The following EPN1 variants were observed in gnomAD, a reference collection of about 807,000 sequenced individuals.
The protein encoded by EPN1 is epsin-1.
A neutral mutation model predicts 56.9 loss-of-function variants in EPN1; 25 were observed. That is an observed-to-expected ratio of 0.44 (90% CI 0.32 to 0.61). The LOEUF is 0.61. Among genes scored for constraint, EPN1 ranks in the 20% least tolerant of loss-of-function variants. The probability of loss-of-function intolerance (pLI) is 0.05; values close to 1 mark genes in which losing one functional copy is unlikely to be tolerated. For missense variants in EPN1, 785 were observed against 823.7 expected (o/e 0.95, Z 0.58); for synonymous variants, 411 against 361.8 (o/e 1.14, Z -1.54).
intron 1 of EPN1, chr19:55,676,889 A>G (rs900631564): frequency 3.3e-5 from 11 of 328,750 alleles, no homozygotes; most frequent in Non-Finnish European, 6.2e-5. Flanking sequence ...CCCTCTGCCC[A>G]GGTTTCTATG....
chr19:55,687,252 C>T (rs892134636), intron 3 of EPN1, among the ~76,000 whole-genome samples: 1 of 152,120 alleles, frequency 6.6e-6, no homozygotes, highest in African/African-American at 2.4e-5. Context: ...GGTGTGCTGG[C>T]CCCTGTCTTG....
Position 55,699,748 on chromosome 19 carries a change from G to A in EPN1, c.*4392G>A, listed in dbSNP as rs541184255. The A allele has an allele frequency of 6.6e-6, 1 of 152,264 alleles. No homozygotes were observed. Among genetic ancestry groups the A allele is most frequent in the East Asian group, 1.9e-4 (1 of 5,186 alleles). The allele number at this position is 152,264 out of a possible 1,614,324, so 9.4% of individuals were successfully genotyped here. On this transcript the variant is annotated 3_prime_UTR_variant, in exon 11 of 11. Transcript: ENST00000270460. ...TCTAAGGCCTGCCTGCACGTCCTGG[G>A]ACAGCCCACGCTTCCACAGGGTTCC...
Position 55,697,049 on chromosome 19 carries a change from C to G in EPN1, c.*1693C>G, listed in dbSNP as rs1276926311. On this transcript the variant is annotated 3_prime_UTR_variant, in exon 11 of 11. Transcript: ENST00000270460. ...AGATTCAGTTGCAGAGGAGCATCCCCCTTGCTTAGCCAGGGAGGGGAAGCC... is the reference window on the plus strand; with the variant it reads ...AGATTCAGTTGCAGAGGAGCATCCCGCTTGCTTAGCCAGGGAGGGGAAGCC... 6.6e-6 allele frequency: 1 copy of G among 152,190 alleles called. No homozygotes were observed. The highest frequency in any genetic ancestry group is 1.5e-5 in the Non-Finnish European group (1 of 68,040). 9.4% of individuals were successfully genotyped at this position (152,190 alleles called of 1,614,324 possible). A position where few individuals can be genotyped will look rare whatever the true frequency, so the allele number is the denominator to read the frequency against.
Position 55,695,263 on chromosome 19 carries a change from C to T in EPN1, c.1638C>T (p.Pro546=), listed in dbSNP as rs2122224017. The change falls in exon 11 of 11, where the codon CCC becomes CCT. Residue 546 remains proline, a synonymous_variant. Transcript: ENST00000270460. The surrounding 1 kb of genome is among the most constrained non-coding windows in gnomAD (Gnocchi z 4.4). ...TGCCTCCCGTCCCTGGAGCGCCACC[C>T]ACGTACATCTCTCCCCTTGGCGGGG... ...SPVPPVPGAP[P]TYISPLGGGP... 6.2e-7 allele frequency: 1 copy of T among 1,609,304 alleles called. No individual in the cohort carries two copies. Among genetic ancestry groups the T allele is most frequent in the East Asian group, 2.2e-5 (1 of 44,576 alleles).
rs1331706267 is a variant in EPN1 at position 55,692,005 on chromosome 19, A to G, written c.1014A>G (p.Pro338=). The change falls in exon 7 of 11, where the codon CCA becomes CCG. Residue 338 remains proline (P), a synonymous_variant. Coordinates refer to ENST00000270460, the MANE Select transcript of EPN1 (RefSeq NM_001130072.2). ...CAGTTGACCCTTGGGGTGGGACCCC[A>G]GCCCCTGCAGCTGGGGAGGGGCCCA... ...GPSVDPWGGT[P]APAAGEGPTP... The G allele has an allele frequency of 7.4e-6, 11 of 1,478,624 alleles. No individual in the cohort carries two copies. The highest frequency in any genetic ancestry group is 9.8e-6 in the Non-Finnish European group (11 of 1,122,366). 91.6% of individuals were successfully genotyped at this position (1,478,624 alleles called of 1,614,324 possible). A position where few individuals can be genotyped will look rare whatever the true frequency, so the allele number is the denominator to read the frequency against.
In EPN1 at chr19:55,691,822, G is replaced by C. The variant is rs751623104; in HGVS notation, c.831G>C (p.Gly277=). 6 of 1,609,938 alleles carry C rather than the reference G, an allele frequency of 3.7e-6. No individual in the cohort carries two copies. The highest frequency in any genetic ancestry group is 1.6e-4 in the Middle Eastern group (1 of 6,068). ...CTGCCCCGACCACAGACCCCTGGGG[G>C]GGCCCAGCACCCATGGCTGCTGCCG... ...PAPAPTTDPW[G]GPAPMAAAVP... is the part of the protein sequence containing the mutation. The change falls in exon 7 of 11, where the codon GGG becomes GGC. Residue 277 remains glycine, a synonymous_variant. Transcript: ENST00000270460. The surrounding 1 kb of genome is among the most constrained non-coding windows in gnomAD (Gnocchi z 5.6).
In EPN1 at chr19:55,678,579, C is replaced by A; in HGVS notation, c.-49C>A. ...AGCCTTCGTCCGGGAGTCGCCCCAT[C>A]TCTCCACGCATCGGGGCCCTGTGCC... is the stretch of plus-strand genomic sequence containing the variant. On this transcript the variant is annotated 5_prime_UTR_variant, in exon 2 of 11. Coordinates refer to ENST00000270460, the MANE Select transcript of EPN1 (RefSeq NM_001130072.2). 6.4e-7 allele frequency: 1 copy of A among 1,567,384 alleles called. No homozygotes were observed. The highest frequency in any genetic ancestry group is 2.4e-5 in the East Asian group (1 of 42,154).
intron 3 of EPN1, among the ~76,000 whole-genome samples, chr19:55,688,455 C>T (rs1986310428): frequency 6.6e-6 from 1 of 152,120 alleles, no homozygotes; most frequent in Admixed American, 6.5e-5. Context: ...TGTTCCCTGC[C>T]AGAGCTACCA....
At position 55,695,643 on chromosome 19, in the gene EPN1, C is replaced by G. The variant is rs1052292820; in HGVS notation, c.*287C>G. ...ACCCATTCCCCCTCCCTCCAAACTC[C>G]CAACCCCCAGTCAGTGTTTGAGCCT... On this transcript the variant is annotated 3_prime_UTR_variant, in exon 11 of 11. Coordinates refer to ENST00000270460, the MANE Select transcript of EPN1 (RefSeq NM_001130072.2). This position sits in a 1 kb window ranked among gnomAD's most constrained non-coding sequence, Gnocchi z 4.4. 2 of 464,460 alleles carry G rather than the reference C, an allele frequency of 4.3e-6. No individual in the cohort carries two copies. The highest frequency in any genetic ancestry group is 7.7e-6 in the Non-Finnish European group (2 of 260,200). The allele number at this position is 464,460 out of a possible 1,614,324, so 28.8% of individuals were successfully genotyped here. A position where few individuals can be genotyped will look rare whatever the true frequency, so the allele number is the denominator to read the frequency against.
rs1987146785 is a variant in EPN1, at chr19:55,701,640, G to A, written c.*6284G>A. ...AGACCCTTAAAATACTGAGCTTTCG[G>A]GACCCTGCCTGGCTTGTTCCTGTAA... On this transcript the variant is annotated 3_prime_UTR_variant, in exon 11 of 11. Transcript: ENST00000270460. The A allele has an allele frequency of 1.3e-5, 2 of 152,056 alleles. No individual in the cohort carries two copies. Among genetic ancestry groups the A allele is most frequent in the South Asian group, 4.1e-4 (2 of 4,828 alleles). The allele number at this position is 152,056 out of a possible 1,614,324, so 9.4% of individuals were successfully genotyped here.
At position 55,709,067 on chromosome 19, in the gene EPN1, T is replaced by G. The variant is rs374085810; in HGVS notation, c.*13711T>G. The G allele has an allele frequency of 1.0e-5, 16 of 1,548,006 alleles. No homozygotes were observed. Among genetic ancestry groups the G allele is most frequent in the Non-Finnish European group, 1.4e-5 (16 of 1,156,238 alleles). On this transcript the variant is annotated 3_prime_UTR_variant, in exon 11 of 11. Transcript: ENST00000270460. The stretch of plus-strand genomic sequence containing the variant: ...AGCCTGGGAAAATAGAAATAAAGTT[T>G]TTTTTTTTGTTTTTCATTTTTACAC...
At chr19:55,686,474 C>G (rs1312796612) in intron 3 of EPN1, among the ~76,000 whole-genome samples, 4 of 152,268 alleles carry the variant, frequency 2.6e-5, no homozygotes, top group African/African-American at 4.8e-5. Flanking sequence ...GGAGGTGGGT[C>G]AGCCAGGCCG....
At chr19:55,687,905 C>T (rs1240602422) in intron 3 of EPN1, among the ~76,000 whole-genome samples, 1 of 152,212 alleles carries the variant, frequency 6.6e-6, no homozygotes, top group East Asian at 1.9e-4. Flanking sequence ...CAGCTGCCTG[C>T]TGCGGCTCCG....
At chr19:55,682,737 A>G (rs1568567484) in intron 2 of EPN1, among the ~76,000 whole-genome samples, 2 of 151,204 alleles carry the variant, frequency 1.3e-5, no homozygotes, top group Admixed American at 1.3e-4. Flanking sequence ...CCGATTTTAT[A>G]TATTTATTTA....
rs1176540962 is a variant in EPN1 at position 55,708,364 on chromosome 19, G to A, written c.*13008G>A. ...TATTGTGTTTTGAAATATAAACAGT[G>A]TAGATATATTTGAATAATACTGAAT... On this transcript the variant is annotated 3_prime_UTR_variant, in exon 11 of 11. Coordinates refer to ENST00000270460, the MANE Select transcript of EPN1 (RefSeq NM_001130072.2). 1 of 152,214 alleles carries A rather than the reference G, an allele frequency of 6.6e-6. No individual in the cohort carries two copies. The highest frequency in any genetic ancestry group is 6.5e-5 in the Admixed American group (1 of 15,268). 9.4% of individuals were successfully genotyped at this position (152,214 alleles called of 1,614,324 possible). A position where few individuals can be genotyped will look rare whatever the true frequency, so the allele number is the denominator to read the frequency against.
rs1168091390 is a variant in EPN1 at position 55,695,647 on chromosome 19, C to A, written c.*291C>A. 2.2e-6 allele frequency: 1 copy of A among 451,004 alleles called. No individual in the cohort carries two copies. The highest frequency in any genetic ancestry group is 4.0e-6 in the Non-Finnish European group (1 of 251,944). 27.9% of individuals were successfully genotyped at this position (451,004 alleles called of 1,614,324 possible). On this transcript the variant is annotated 3_prime_UTR_variant, in exon 11 of 11. Transcript: ENST00000270460. The surrounding 1 kb of genome is among the most constrained non-coding windows in gnomAD (Gnocchi z 4.4). Reference sequence around the variant, plus strand: ...ATTCCCCCTCCCTCCAAACTCCCAACCCCCAGTCAGTGTTTGAGCCTCCTC... The same window carrying A: ...ATTCCCCCTCCCTCCAAACTCCCAAACCCCAGTCAGTGTTTGAGCCTCCTC...
At chr19:55,679,844 C>T (rs1483450908) in intron 2 of EPN1, among the ~76,000 whole-genome samples, 4 of 152,112 alleles carry the variant, frequency 2.6e-5, no homozygotes, top group African/African-American at 9.7e-5. Flanking sequence ...TTGTGAAGGG[C>T]TGGGTGGCGT....
In EPN1 at chr19:55,694,917, T is replaced by G. The variant is rs967972800; in HGVS notation, c.1456T>G (p.Ser486Ala). 5 of 1,578,620 alleles carry G rather than the reference T, an allele frequency of 3.2e-6. No individual in the cohort carries two copies. Among genetic ancestry groups the G allele is most frequent in the Non-Finnish European group, 4.3e-6 (5 of 1,162,778 alleles). ...CAATGCAGCCCTCGTCGACCTGGAC[T>G]CGCTGGTGAGCCGGCCGGGCCCCAC... ...GPNAALVDLDSLVSRPGPTPP... is the reference protein window; with the variant it reads ...GPNAALVDLDALVSRPGPTPP... The change falls in exon 10 of 11, where the codon TCG becomes GCG. Residue 486 changes from serine (S) to alanine (A), a missense_variant. By Grantham distance (99) the Ser-to-Ala change is moderately conservative. Transcript: ENST00000270460. The surrounding 1 kb of genome is among the most constrained non-coding windows in gnomAD (Gnocchi z 4.2).
In EPN1 at chr19:55,705,831, A is replaced by ATATATATATATATATATATATATATATT. The variant is rs1987373366; in HGVS notation, c.*10475_*10476insTATATATATATATATATATATATATATT. On this transcript the variant is annotated 3_prime_UTR_variant, in exon 11 of 11. Transcript: ENST00000270460. ...GGGATATATATATATATATATATTT[A>ATATATATATATATATATATATATATATT]GAGTGTTGTGGGATATATATATATA... The ATATATATATATATATATATATATATATT allele has an allele frequency of 8.5e-6, 1 of 117,160 alleles. No individual in the cohort carries two copies. Among genetic ancestry groups the ATATATATATATATATATATATATATATT allele is most frequent in the African/African-American group, 4.6e-5 (1 of 21,670 alleles). 7.3% of individuals were successfully genotyped at this position (117,160 alleles called of 1,614,324 possible).
Sources: gnomAD v4.1 joint callset for allele counts (sites outside exome capture counted in the v4.1 genomes callset) on GRCh38, gnomAD v4.1.1 for gene constraint, Gnocchi (gnomAD v3.1) non-coding constraint, MANE v1.5 for transcripts, NCBI Gene and HGNC (gene_info 2026-07-23, HGNC 2026-07-21) for gene names.